Variants in KANK1 observed in about 807,000 individuals in gnomAD.
KANK1 encodes the protein KN motif and ankyrin repeat domain-containing protein 1.
Under a neutral mutation model 106.2 loss-of-function variants are expected in KANK1, and 109 were observed. The ratio of observed to expected loss-of-function variants is 1.03; its 90% CI spans 0.88 to 1.20. The LOEUF is 1.20. Among genes scored for constraint, KANK1 ranks in the 50% most tolerant of loss-of-function variants. The pLI is 0.00. For missense variants in KANK1, 2,399 were observed against 1,710.7 expected (o/e 1.40, Z -7.10); for synonymous variants, 873 against 652.2 (o/e 1.34, Z -5.16).
intron 1 of KANK1, among the ~76,000 whole-genome samples, chr9:520,473 A>G (rs563967597): frequency 6.6e-6 from 1 of 151,946 alleles, no homozygotes; most frequent in Admixed American, 6.5e-5. Flanking sequence ...GCAATGTGGT[A>G]GAGAAGTGTG....
At chr9:723,861 G>A (rs1829995101) in intron 3 of KANK1, among the ~76,000 whole-genome samples, 1 of 151,814 alleles carries the variant, frequency 6.6e-6, no homozygotes, top group African/African-American at 2.4e-5. Context: ...CAGAGGCCAA[G>A]GTGGGTGGAT....
At chr9:677,927 A>G (rs1325433191) in intron 2 of KANK1, among the ~76,000 whole-genome samples, 1 of 152,214 alleles carries the variant, frequency 6.6e-6, no homozygotes, top group African/African-American at 2.4e-5. Flanking sequence ...CGGTAAGTAT[A>G]TCCACCTGCC....
intron 1 of KANK1, among the ~76,000 whole-genome samples, chr9:643,725 C>CA (rs888024510): frequency 5.3e-5 from 8 of 149,538 alleles, no homozygotes; most frequent in African/African-American, 2.0e-4. Context: ...TTTTTAGAGA[C>CA]AGAGTCTCGC....
chr9:537,401 G>T (rs543285020), intron 1 of KANK1, among the ~76,000 whole-genome samples: 2 of 152,226 alleles, frequency 1.3e-5, no homozygotes, highest in South Asian at 4.1e-4. Flanking sequence ...AAAATAATTT[G>T]CTAGAAGATC....
chr9:680,846 C>T (rs1482695261), intron 2 of KANK1: 2 of 152,384 alleles, frequency 1.3e-5, no homozygotes, highest in African/African-American at 4.8e-5. Flanking sequence ...AATCTTCCCT[C>T]GTAGTGTTAC....
intron 1 of KANK1, among the ~76,000 whole-genome samples, chr9:550,782 A>G (rs2804279): frequency 0.57 from 86,703 of 151,976 alleles, 26,248 homozygotes; most frequent in Non-Finnish European, 0.69. Context: ...AGGCCCAGGC[A>G]TCTTTTCTTC....
intron 1 of KANK1, among the ~76,000 whole-genome samples, chr9:513,271 G>A (rs1021234889): frequency 6.6e-6 from 1 of 152,226 alleles, no homozygotes; most frequent in African/African-American, 2.4e-5. Flanking sequence ...CACCAATGAA[G>A]AATCTTATTA....
intron 1 of KANK1, among the ~76,000 whole-genome samples, chr9:546,704 A>G (rs943592217): frequency 1.3e-5 from 2 of 151,604 alleles, no homozygotes; most frequent in African/African-American, 2.4e-5. Flanking sequence ...ATGCAAGGCA[A>G]TCTTGTGTCC....
chr9:526,801 C>T (rs2059812669), intron 1 of KANK1, among the ~76,000 whole-genome samples: 2 of 151,630 alleles, frequency 1.3e-5, no homozygotes, highest in Admixed American at 1.3e-4. Flanking sequence ...CTTGAGAAAG[C>T]ATGCTTATCA....
intron 1 of KANK1, among the ~76,000 whole-genome samples, chr9:587,895 G>C (rs575970523): frequency 1.3e-5 from 2 of 152,018 alleles, no homozygotes; most frequent in Non-Finnish European, 2.9e-5. Context: ...GCGAAACCCC[G>C]TCTCTAATAA....
intron 3 of KANK1, among the ~76,000 whole-genome samples, chr9:492,822 C>G (rs1016845269): frequency 6.6e-6 from 1 of 151,832 alleles, no homozygotes; most frequent in African/African-American, 2.4e-5. Context: ...GTCGGGAATT[C>G]GAGACCAGCC....
Position 719,937 on chromosome 9 carries a change from G to T in KANK1, c.2698+6473G>T, listed in dbSNP as rs75854562. 8.3e-3 allele frequency among the ~76,000 whole-genome samples: 1,269 copies of T among 152,178 alleles called. 20 individuals are homozygous for T. The highest frequency in any genetic ancestry group is 0.029 in the African/African-American group (1,185 of 41,534). On this transcript the variant is annotated intron_variant, in intron 3 of 11. Transcript: ENST00000382297. ...CAGTTTGCTTTTAACATTCCTTTATGTCAAGGACATAAAGTTTTCATTTTA... is the reference window on the plus strand; with the variant it reads ...CAGTTTGCTTTTAACATTCCTTTATTTCAAGGACATAAAGTTTTCATTTTA...
intron 3 of KANK1, among the ~76,000 whole-genome samples, chr9:729,410 C>T (rs945516019): frequency 2.6e-4 from 39 of 152,162 alleles, no homozygotes; most frequent in Admixed American, 1.4e-3. Context: ...TGGGAGGGTG[C>T]GGCTGTGTGA....
intron 3 of KANK1, among the ~76,000 whole-genome samples, chr9:488,050 T>G (rs760399419): frequency 4.6e-4 from 70 of 152,232 alleles, no homozygotes; most frequent in Non-Finnish European, 8.5e-4. Flanking sequence ...AGCTCTCATT[T>G]CTAGGTTTCT....
chr9:705,642 G>C (rs1417028535), intron 2 of KANK1, among the ~76,000 whole-genome samples: 2 of 151,794 alleles, frequency 1.3e-5, no homozygotes, highest in Admixed American at 1.3e-4. Context: ...TTGTTGCCCA[G>C]GCTGGAGTGC....
At chr9:660,767 G>C (rs1015409095) in intron 1 of KANK1, among the ~76,000 whole-genome samples, 2 of 152,174 alleles carry the variant, frequency 1.3e-5, no homozygotes, top group African/African-American at 4.8e-5. Context: ...CACTGGAAGG[G>C]AGCCTTTGGT....
chr9:714,300 G>C (rs1827078367), intron 3 of KANK1, among the ~76,000 whole-genome samples: 1 of 152,002 alleles, frequency 6.6e-6, no homozygotes, highest in African/African-American at 2.4e-5. Context: ...GTAGTGGTCA[G>C]GGTGAGGGCT....
At chr9:523,789 C>T (rs1452764313) in intron 1 of KANK1, among the ~76,000 whole-genome samples, 1 of 150,280 alleles carries the variant, frequency 6.7e-6, no homozygotes, top group Admixed American at 6.6e-5. Context: ...CCTGGCACTC[C>T]AGGTCTCTCT....
chr9:626,228 C>G (rs1834311296), intron 1 of KANK1, among the ~76,000 whole-genome samples: 1 of 152,094 alleles, frequency 6.6e-6, no homozygotes, highest in Admixed American at 6.6e-5. Flanking sequence ...CTTTAGGAGG[C>G]CGAGGCAGGC....
Sources: gnomAD v4.1 joint callset for allele counts (sites outside exome capture counted in the v4.1 genomes callset) on GRCh38, gnomAD v4.1.1 for gene constraint, MANE v1.5 for transcripts, NCBI Gene and HGNC (gene_info 2026-07-23, HGNC 2026-07-21) for gene names.